IL34: variants seen among roughly 807,000 people sequenced by gnomAD.
IL34 encodes the protein interleukin 34.
A neutral mutation model predicts 25.3 loss-of-function variants in IL34; 17 were observed. That is an observed-to-expected ratio of 0.67 (90% CI 0.46 to 1.01). IL34 has a LOEUF of 1.01. Among genes scored for constraint, IL34 ranks in the 50% least tolerant of loss-of-function variants. The probability of loss-of-function intolerance (pLI) is 0.00; values close to 1 mark genes in which losing one functional copy is unlikely to be tolerated. For synonymous variants in IL34, 174 were observed against 140.9 expected (o/e 1.23, Z -1.66); for missense variants, 368 against 312.9 (o/e 1.18, Z -1.33).
At chr16:70,596,679 C>T (rs1034609416) in intron 1 of IL34, among the ~76,000 whole-genome samples, 6 of 152,150 alleles carry the variant, frequency 3.9e-5, no homozygotes, top group Admixed American at 2.0e-4. Flanking sequence ...GGGGGTAGAG[C>T]GACTATTGCC....
rs202122982 is a variant in IL34 at position 70,660,098 on chromosome 16, C to T, written c.640C>T (p.Pro214Ser). Reference protein sequence around the residue: ...SLQYAATQLYPPPPWSPSSPP... With the variant: ...SLQYAATQLYSPPPWSPSSPP... ...GCAGTATGCGGCCACCCAGCTGTAC[C>T]CTCCGCCCCCGTGGTCCCCCAGCTC... is the stretch of plus-strand genomic sequence containing the variant. Residue 214 changes from proline (P) to serine (S), a missense_variant, in exon 6 of 6, where the codon CCT becomes TCT. Coordinates refer to ENST00000288098, the MANE Select transcript of IL34 (RefSeq NM_001393494.1). The T allele has an allele frequency of 3.3e-5, 54 of 1,613,598 alleles. 1 individual carries two copies. In the African/African-American group the frequency reaches 4.0e-4, roughly 12 times the overall value.
At chr16:70,616,901 C>A (rs1284290104) in intron 1 of IL34, among the ~76,000 whole-genome samples, 1 of 152,130 alleles carries the variant, frequency 6.6e-6, no homozygotes, top group Non-Finnish European at 1.5e-5. Flanking sequence ...TTGGCTTGGG[C>A]TCAGAGGCCT....
chr16:70,647,262 C>T (rs1408002132), intron 1 of IL34, among the ~76,000 whole-genome samples: 1 of 152,154 alleles, frequency 6.6e-6, no homozygotes, highest in Non-Finnish European at 1.5e-5. Context: ...AGCATCTCAC[C>T]TTTCCAGGCT....
intron 1 of IL34, among the ~76,000 whole-genome samples, chr16:70,593,648 C>G (rs576521894): frequency 6.6e-6 from 1 of 152,130 alleles, no homozygotes; most frequent in Non-Finnish European, 1.5e-5. Flanking sequence ...TCCCGAGTAG[C>G]TGGGACTACA....
chr16:70,649,573 T>G (rs1360070036), intron 1 of IL34, among the ~76,000 whole-genome samples: 7 of 152,146 alleles, frequency 4.6e-5, no homozygotes, highest in Admixed American at 2.6e-4. Flanking sequence ...AAGACCCCAT[T>G]TCCAAACAAG....
intron 1 of IL34, among the ~76,000 whole-genome samples, chr16:70,592,209 C>A (rs980918250): frequency 6.8e-6 from 1 of 147,694 alleles, no homozygotes; most frequent in Middle Eastern, 4.4e-3. Flanking sequence ...CCTGCTGGCC[C>A]GGCTGAGGCT....
At chr16:70,624,183 TAGG>T (rs1436409804) in intron 1 of IL34, among the ~76,000 whole-genome samples, 3 of 152,014 alleles carry the variant, frequency 2.0e-5, no homozygotes, top group East Asian at 3.9e-4. Flanking sequence ...GGACGCGGCT[TAGG>T]AGGAATCCCG....
At chr16:70,625,055 A>C (rs1354868389) in intron 1 of IL34, among the ~76,000 whole-genome samples, 4 of 152,126 alleles carry the variant, frequency 2.6e-5, no homozygotes, top group African/African-American at 9.7e-5. Flanking sequence ...TAGATTTTGC[A>C]GGATGGAAAA....
intron 1 of IL34, among the ~76,000 whole-genome samples, chr16:70,653,872 T>C (rs1478869601): frequency 2.6e-5 from 4 of 152,138 alleles, no homozygotes; most frequent in Non-Finnish European, 5.9e-5. Context: ...GGAAATCGTA[T>C]AGGCTGTTTT....
At chr16:70,626,892 G>T (rs908392116) in intron 1 of IL34, among the ~76,000 whole-genome samples, 10 of 152,030 alleles carry the variant, frequency 6.6e-5, no homozygotes, top group Admixed American at 5.9e-4. Flanking sequence ...ATGTATTTGA[G>T]TCTATTTCAG....
At chr16:70,599,116 T>C (rs2050867496) in intron 1 of IL34, among the ~76,000 whole-genome samples, 1 of 152,236 alleles carries the variant, frequency 6.6e-6, no homozygotes, top group African/African-American at 2.4e-5. Context: ...TCAAGTGCTC[T>C]ATCCTGTTTT....
intron 1 of IL34, among the ~76,000 whole-genome samples, chr16:70,620,032 G>C (rs980754557): frequency 2.0e-5 from 3 of 152,000 alleles, no homozygotes; most frequent in South Asian, 2.1e-4. Flanking sequence ...GTCTCACAGT[G>C]GAGGCAAGGA....
intron 1 of IL34, among the ~76,000 whole-genome samples, chr16:70,620,694 C>T (rs897599818): frequency 6.6e-6 from 1 of 150,958 alleles, no homozygotes; most frequent in Non-Finnish European, 1.5e-5. Flanking sequence ...GCACCTCAGA[C>T]CTTCTGCGTA....
upstream of IL34, among the ~76,000 whole-genome samples, chr16:70,645,048 AAGG>A (rs199982361): frequency 7.5e-4 from 108 of 143,084 alleles, no homozygotes; most frequent in East Asian, 0.02. Context: ...GAGGACGAGG[AAGG>A]AGGAAGAGAA....
chr16:70,647,381 A>C (rs969243007), intron 1 of IL34, among the ~76,000 whole-genome samples: 1 of 152,198 alleles, frequency 6.6e-6, no homozygotes, highest in Admixed American at 6.5e-5. Context: ...GACCCACGGC[A>C]GAAGAGCAGC....
At chr16:70,634,695 A>C (rs537513560) in intron 1 of IL34, among the ~76,000 whole-genome samples, 2 of 151,856 alleles carry the variant, frequency 1.3e-5, no homozygotes, top group East Asian at 3.9e-4. Context: ...AAAAAAAAAA[A>C]ATTTCCAAAG....
chr16:70,647,021 C>T, intron 1 of IL34, 46 bp downstream of exon 1: 2 of 1,422,792 alleles, frequency 1.4e-6, no homozygotes, highest in South Asian at 3.2e-5. Context: ...GAGGCCTTGG[C>T]CTAGATCCAG....
intron 1 of IL34, among the ~76,000 whole-genome samples, chr16:70,598,964 T>C (rs116660731): frequency 6.6e-6 from 1 of 152,102 alleles, no homozygotes; most frequent in Non-Finnish European, 1.5e-5. Flanking sequence ...CACATCAAGG[T>C]TGAGTGTAAG....
intron 1 of IL34, among the ~76,000 whole-genome samples, chr16:70,608,746 C>CG (rs1404631130): frequency 6.6e-6 from 1 of 152,256 alleles, no homozygotes; most frequent in Non-Finnish European, 1.5e-5. Flanking sequence ...TCTGCTGCCT[C>CG]TCTCTCTTGC....
Sources: allele counts gnomAD v4.1 joint callset (sites outside exome capture counted in the v4.1 genomes callset), GRCh38; gene constraint gnomAD v4.1.1; transcripts MANE v1.5; gene names NCBI Gene and HGNC (gene_info 2026-07-23, HGNC 2026-07-21).